The following KANTR variants were observed in gnomAD, a reference collection of about 807,000 sequenced individuals.
KANTR encodes KDM5C adjacent transcript.
At chrX:53,128,233 T>C (rs1933313953), downstream of KANTR, among the ~76,000 whole-genome samples, 1 of 111,506 alleles carries the variant, frequency 9.0e-6, no homozygotes, top group Non-Finnish European at 1.9e-5. Context: ...TTGAGCAAAA[T>C]TTGACCACTT....
At chrX:53,106,889 A>G (rs1161772887) in intron 2 of KANTR, among the ~76,000 whole-genome samples, 7 of 110,570 alleles carry the variant, frequency 6.3e-5, no homozygotes, top group South Asian at 3.8e-4. Context: ...AGGCTGAAGC[A>G]GGAGGATCAC....
At position 53,137,359 on chromosome X, in the gene KANTR, T is replaced by G. The variant is rs151106420; in HGVS notation, n.204-4489T>G. On this transcript the variant is annotated intron_variant and non_coding_transcript_variant, in intron 2 of 2. Transcript: ENST00000366185. The stretch of plus-strand genomic sequence containing the variant: ...TTAGCATGGTGTATTTTTCTAAGAA[T>G]GTATCATTTATTTTCATCTAGGTTT... Among the ~76,000 whole-genome samples, 80 of 112,027 alleles carry G rather than the reference T, an allele frequency of 7.1e-4. 1 individual carries two copies. In the East Asian group the frequency reaches 0.02, roughly 28 times the overall value.
In KANTR at chrX:53,108,582, A is replaced by G. The variant is rs1932984059; in HGVS notation, c.-805+8974A>G. Among the ~76,000 whole-genome samples the G allele has an allele frequency of 2.7e-5, 3 of 112,389 alleles. No homozygotes were observed. In the Admixed American group the frequency reaches 2.8e-4, roughly 11 times the overall value. ...TTGTTTATTGATCCTCTATCATATG[A>G]CATTGCTGAACTTGTTTATTAGTTC... On this transcript the variant is annotated intron_variant, in intron 2 of 2. Coordinates refer to ENST00000604062, the Ensembl canonical transcript of KANTR.
At chrX:53,139,616 T>G (rs782635452) in intron 2 of KANTR, among the ~76,000 whole-genome samples, 6 of 111,943 alleles carry the variant, frequency 5.4e-5, no homozygotes, top group Non-Finnish European at 9.4e-5. Context: ...GCCAGGAGTT[T>G]GAGACCAGCC....
intron 2 of KANTR, among the ~76,000 whole-genome samples, chrX:53,135,914 A>G (rs782788005): frequency 5.3e-4 from 59 of 112,124 alleles, no homozygotes; most frequent in South Asian, 2.2e-3. Context: ...AAATGAGCCT[A>G]TCATCAATGT....
rs781994275 is a variant in KANTR, at chrX:53,110,739, A to G, written c.-805+11131A>G. The stretch of plus-strand genomic sequence containing the variant: ...GGAGTTTGAGACCAGCCTGACCAAC[A>G]TGGTGAAACCCCATCTCTACTAAAA... On this transcript the variant is annotated intron_variant, in intron 2 of 2. Transcript: ENST00000604062. Among the ~76,000 whole-genome samples, 653 of 110,961 alleles carry G rather than the reference A, an allele frequency of 5.9e-3. 4 individuals carry two copies. The highest frequency in any genetic ancestry group is 0.018 in the South Asian group (47 of 2,631).
intron 2 of KANTR, among the ~76,000 whole-genome samples, chrX:53,106,108 C>T (rs1008541098): frequency 8.4e-4 from 91 of 108,618 alleles, no homozygotes; most frequent in Non-Finnish European, 1.5e-3. Context: ...CCACCCGCCT[C>T]GGCCTCCCAA....
chrX:53,104,265 C>T (rs1268001967), intron 2 of KANTR, among the ~76,000 whole-genome samples: 1 of 110,575 alleles, frequency 9.0e-6, no homozygotes, highest in Non-Finnish European at 1.9e-5. Flanking sequence ...CTCGCTCTGT[C>T]ACCCAAGCTG....
intron 2 of KANTR, among the ~76,000 whole-genome samples, chrX:53,117,871 C>T (rs930375337): frequency 1.8e-5 from 2 of 110,797 alleles, no homozygotes; most frequent in East Asian, 2.8e-4. Flanking sequence ...CCACCTGCTT[C>T]GGCCTCCCAA....
exon 3 of KANTR, chrX:53,123,755 G>A (rs1353748705): frequency 8.9e-6 from 1 of 111,928 alleles, no homozygotes; most frequent in Non-Finnish European, 1.9e-5. Flanking sequence ...GACTACAGGA[G>A]CTGGCTACTG....
At chrX:53,143,670 G>T (rs1421493974), downstream of KANTR, 2 of 736,205 alleles carry the variant, frequency 2.7e-6, no homozygotes, top group Non-Finnish European at 4.3e-6. Flanking sequence ...TCTTCTCCAT[G>T]TCATCCCAGA....
chrX:53,143,230 A>T (rs2146760844), downstream of KANTR: 2 of 643,417 alleles, frequency 3.1e-6, no homozygotes, highest in South Asian at 2.3e-5. Flanking sequence ...GAGGAGGAGG[A>T]TGTGGCAGTG....
chrX:53,120,341 T>G (rs368309584), intron 2 of KANTR, among the ~76,000 whole-genome samples: 13 of 112,140 alleles, frequency 1.2e-4, no homozygotes, highest in African/African-American at 3.9e-4. Context: ...CGGCCCCCCT[T>G]TGTGTTTTTT....
exon 3 of KANTR, chrX:53,125,450 C>G (rs1556816130): frequency 9.0e-6 from 1 of 111,542 alleles, no homozygotes; most frequent in Non-Finnish European, 1.9e-5. Context: ...TTTACCATCA[C>G]TACCTTTTCT....
downstream of KANTR, among the ~76,000 whole-genome samples, chrX:53,127,853 G>C (rs781976707): frequency 2.9e-4 from 32 of 111,464 alleles, no homozygotes; most frequent in Non-Finnish European, 5.7e-4. Flanking sequence ...AGGCCAAGCA[G>C]ACCACTCTCA....
intron 2 of KANTR, among the ~76,000 whole-genome samples, chrX:53,133,724 C>T (rs1029514385): frequency 9.0e-6 from 1 of 111,533 alleles, no homozygotes; most frequent in South Asian, 3.7e-4. Context: ...AGAGTTAGAG[C>T]GGCCCATTCC....
chrX:53,095,624 A>C (rs1404811662), intron 1 of KANTR, among the ~76,000 whole-genome samples: 1 of 110,374 alleles, frequency 9.1e-6, no homozygotes, highest in Non-Finnish European at 1.9e-5. Flanking sequence ...TATATCGCAC[A>C]TATATATGCA....
At chrX:53,094,165 C>T in exon 1 of KANTR, 1 of 113,353 alleles carries the variant, frequency 8.8e-6, no homozygotes, top group Admixed American at 9.2e-5. Flanking sequence ...GCCCGTGCCC[C>T]TGCTCGCGCT....
At chrX:53,105,656 A>ATT (rs201110686) in intron 2 of KANTR, among the ~76,000 whole-genome samples, 2 of 82,850 alleles carry the variant, frequency 2.4e-5, no homozygotes, top group African/African-American at 8.8e-5. Flanking sequence ...CACCTGGTTA[A>ATT]TTTTTTTTTT....
Sources: gnomAD v4.1 joint callset for allele counts (sites outside exome capture counted in the v4.1 genomes callset) on GRCh38, gnomAD v4.1.1 for gene constraint, MANE v1.5 for transcripts, NCBI Gene and HGNC (gene_info 2026-07-23, HGNC 2026-07-21) for gene names.